NDUFV2: variants seen among roughly 807,000 people sequenced by gnomAD.
The protein encoded by NDUFV2 is NADH:ubiquinone oxidoreductase core subunit V2.
NDUFV2 carries 18 observed loss-of-function variants against 31.6 expected under a neutral mutation model. The ratio of observed to expected loss-of-function variants is 0.57; its 90% CI spans 0.39 to 0.84. The LOEUF (loss-of-function observed/expected upper bound fraction) is 0.84, where lower values mean the gene tolerates loss of function less well. Ranked by LOEUF, NDUFV2 falls within the 40% of genes least tolerant of loss-of-function variation. The pLI, the probability that NDUFV2 is intolerant of heterozygous loss-of-function variation, is 0.00. For missense variants in NDUFV2, 314 were observed against 303.6 expected (o/e 1.03, Z -0.26); for synonymous variants, 83 against 99.8 (o/e 0.83, Z 1.01).
intron 1 of NDUFV2, among the ~76,000 whole-genome samples, chr18:9,108,713 C>CA (rs2077854292): frequency 4.6e-5 from 6 of 129,980 alleles, no homozygotes. Context: ...TTTTTTGAGA[C>CA]AGAGTCTTAC....
intron 1 of NDUFV2, among the ~76,000 whole-genome samples, chr18:9,106,681 T>G (rs1457068830): frequency 6.6e-6 from 1 of 152,208 alleles, no homozygotes; most frequent in Non-Finnish European, 1.5e-5. Context: ...CACAAAACTT[T>G]GTGGCATAAA....
chr18:9,123,860 ATGCTGAGATAG>A (rs1188599771), intron 5 of NDUFV2, among the ~76,000 whole-genome samples: 1 of 152,204 alleles, frequency 6.6e-6, no homozygotes, highest in Non-Finnish European at 1.5e-5. Flanking sequence ...GTCCTGTTGT[ATGCTGAGATAG>A]TTTACAAGAA....
At chr18:9,131,232 G>A (rs957319627) in intron 7 of NDUFV2, among the ~76,000 whole-genome samples, 5 of 152,182 alleles carry the variant, frequency 3.3e-5, no homozygotes, top group Non-Finnish European at 7.3e-5. Flanking sequence ...TATAGGCTGA[G>A]GAAGAGGAGG....
In NDUFV2 at chr18:9,119,380, A is replaced by G. The variant is rs367649556; in HGVS notation, c.175A>G (p.Asn59Asp). Residue 59 changes from asparagine (N) to aspartate (D), a missense_variant, in exon 3 of 8, where the codon AAC becomes GAC. Physicochemically the swap from Asn to Asp is conservative, Grantham distance 23. Coordinates refer to ENST00000318388, the MANE Select transcript of NDUFV2 (RefSeq NM_021074.5). ...TACTCCATTTGATTTCACACCAGAA[A>G]ACTATAAGGTATGGCTAAATTAACA... ...PDTPFDFTPE[N>D]YKRIEAIVKN... 6 of 1,611,102 alleles carry G rather than the reference A, an allele frequency of 3.7e-6. No homozygotes were observed. In the African/African-American group the frequency reaches 6.7e-5, roughly 18 times the overall value.
chr18:9,103,121 C>T (rs1004336090), intron 1 of NDUFV2: 8 of 403,724 alleles, frequency 2.0e-5, no homozygotes, highest in Non-Finnish European at 3.1e-5. Context: ...CTGGCCAGAT[C>T]AGTTTCGAAG....
chr18:9,103,062 T>C (rs2077823049), intron 1 of NDUFV2: 1 of 429,124 alleles, frequency 2.3e-6, no homozygotes, highest in South Asian at 6.1e-5. Context: ...TATATATATA[T>C]GTTTGTTTGT....
At chr18:9,124,732 G>A (rs2077972965) in intron 5 of NDUFV2, 142 bp from the exon 6 acceptor site, 4 of 741,690 alleles carry the variant, frequency 5.4e-6, no homozygotes, top group Non-Finnish European at 8.5e-6. Context: ...ACAGGCGTGA[G>A]CCACCGCGCC....
intron 7 of NDUFV2, among the ~76,000 whole-genome samples, chr18:9,130,522 CTTGTATTTGGACA>C (rs2078031094): frequency 6.6e-6 from 1 of 152,100 alleles, no homozygotes; most frequent in African/African-American, 2.4e-5. Context: ...TTATATAAAG[CTTGTATTTGGACA>C]TAGCAATACT....
chr18:9,104,351 GA>G, intron 1 of NDUFV2: 1 of 1,498,572 alleles, frequency 6.7e-7, no homozygotes. Context: ...TAAAGTAGAG[GA>G]ATAAGATGTG....
chr18:9,134,251 C>G lies in NDUFV2; in HGVS notation c.722C>G (p.Pro241Arg). ...LTSLTEPPKG[P>R]GFGVQAGL ...TCTTTGACTGAACCACCCAAGGGACCTGGATTTGGTGTACAAGCAGGCCTT... is the reference window on the plus strand; with the variant it reads ...TCTTTGACTGAACCACCCAAGGGACGTGGATTTGGTGTACAAGCAGGCCTT... The change falls in exon 8 of 8, where the codon CCT (proline) becomes CGT (arginine). Residue 241 changes from proline (P) to arginine (R), a missense_variant. Coordinates refer to ENST00000318388, the MANE Select transcript of NDUFV2 (RefSeq NM_021074.5). 6.2e-7 allele frequency: 1 copy of G among 1,612,820 alleles called. No homozygotes were observed. The highest frequency in any genetic ancestry group is 8.5e-7 in the Non-Finnish European group (1 of 1,179,814).
rs567888353 is a variant in NDUFV2 at position 9,103,601 on chromosome 18, G to C, written c.54+804G>C. 2.6e-5 allele frequency: 4 copies of C among 155,912 alleles called. No individual in the cohort carries two copies. The South Asian group carries it at 8.2e-4, about 32-fold the overall frequency. 9.7% of individuals were successfully genotyped at this position (155,912 alleles called of 1,614,324 possible). On this transcript the variant is annotated intron_variant, in intron 1 of 7. Coordinates refer to ENST00000318388, the MANE Select transcript of NDUFV2 (RefSeq NM_021074.5). Reference sequence around the variant, plus strand: ...TCTAAGAGTGAAATAGGTTAAGTCAGTTCTCAGCAAGAGGGAGCTAGTGTA... The same window carrying C: ...TCTAAGAGTGAAATAGGTTAAGTCACTTCTCAGCAAGAGGGAGCTAGTGTA...
intron 1 of NDUFV2, among the ~76,000 whole-genome samples, chr18:9,111,637 T>C (rs1451727188): frequency 6.6e-6 from 1 of 151,808 alleles, no homozygotes; most frequent in Non-Finnish European, 1.5e-5. Context: ...TCATGTTGGC[T>C]AGGCTGGTCT....
At chr18:9,104,910 C>T in intron 1 of NDUFV2, 1 of 1,485,404 alleles carries the variant, frequency 6.7e-7, no homozygotes, top group South Asian at 1.3e-5. Context: ...CTGGAAATTA[C>T]CATTGTTAAC....
intron 1 of NDUFV2, among the ~76,000 whole-genome samples, chr18:9,108,113 GA>G (rs1316613620): frequency 3.9e-5 from 6 of 152,182 alleles, no homozygotes; most frequent in Non-Finnish European, 8.8e-5. Context: ...ATATGGTCAA[GA>G]TGGCTGGAAT....
Position 9,102,792 on chromosome 18 carries a change from C to G in NDUFV2, c.49C>G (p.His17Asp). The change falls in exon 1 of 8, where the codon CAC becomes GAC. Residue 17 changes from histidine (H) to aspartate (D), a missense_variant. Coordinates refer to ENST00000318388, the MANE Select transcript of NDUFV2 (RefSeq NM_021074.5). ...LRARAAGLTA[H>D]WGRHVRNLHK... ...GGCCCGGGCGGCTGGCCTCACCGCCCACTGGGTAAGGAGGCTCAAGCTGAG... is the reference window on the plus strand; with the variant it reads ...GGCCCGGGCGGCTGGCCTCACCGCCGACTGGGTAAGGAGGCTCAAGCTGAG... 2 of 1,571,788 alleles carry G rather than the reference C, an allele frequency of 1.3e-6. No homozygotes were observed. Among genetic ancestry groups the G allele is most frequent in the East Asian group, 2.3e-5 (1 of 42,620 alleles).
intron 1 of NDUFV2, among the ~76,000 whole-genome samples, chr18:9,107,503 TA>T (rs368661785): frequency 1.8e-4 from 27 of 152,332 alleles, no homozygotes; most frequent in African/African-American, 6.0e-4. Context: ...ACATTTTGGT[TA>T]GGGGGAAGGT....
chr18:9,116,176 C>A (rs1262844612), intron 1 of NDUFV2, among the ~76,000 whole-genome samples: 1 of 152,136 alleles, frequency 6.6e-6, no homozygotes, highest in East Asian at 1.9e-4. Flanking sequence ...TAAGACTCAT[C>A]ACTGTCAAGT....
At chr18:9,130,795 TA>T (rs2078033437) in intron 7 of NDUFV2, among the ~76,000 whole-genome samples, 1 of 152,240 alleles carries the variant, frequency 6.6e-6, no homozygotes, top group South Asian at 2.1e-4. Context: ...GGTTCAATAG[TA>T]ACTGATTCCT....
chr18:9,121,049 G>GC (rs913032708), intron 4 of NDUFV2, among the ~76,000 whole-genome samples: 3 of 152,062 alleles, frequency 2.0e-5, no homozygotes, highest in African/African-American at 7.2e-5. Flanking sequence ...CTTAAGACCA[G>GC]CCTGGGCAAG....
Sources: allele counts gnomAD v4.1 joint callset (sites outside exome capture counted in the v4.1 genomes callset), GRCh38; gene constraint gnomAD v4.1.1; transcripts MANE v1.5; gene names NCBI Gene and HGNC (gene_info 2026-07-23, HGNC 2026-07-21).